Variants in RCSD1 observed in about 807,000 individuals in gnomAD.
The protein encoded by RCSD1 is capZ-interacting protein.
RCSD1 carries 26 observed loss-of-function variants against 42.5 expected under a neutral mutation model. The observed-to-expected ratio is 0.61, with a 90% confidence interval of 0.45 to 0.85. The LOEUF is 0.85. RCSD1 is among the 40% of genes least tolerant of loss of function. The pLI is 0.00. For synonymous variants in RCSD1, 220 were observed against 212.2 expected (o/e 1.04, Z -0.32); for missense variants, 571 against 528.3 (o/e 1.08, Z -0.79).
chr1:167,698,775 T>G (rs956021978), intron 6 of RCSD1, among the ~76,000 whole-genome samples: 20 of 152,076 alleles, frequency 1.3e-4, no homozygotes, highest in African/African-American at 4.8e-4. Flanking sequence ...CCTCTTTGTT[T>G]GTTTGTTTGT....
chr1:167,704,021 T>TGTTTCCATG (rs1217551514), intron 6 of RCSD1, among the ~76,000 whole-genome samples: 1 of 152,162 alleles, frequency 6.6e-6, no homozygotes, highest in Non-Finnish European at 1.5e-5. Flanking sequence ...TGTGGTTACA[T>TGTTTCCATG]TCCCAAATGT....
Position 167,652,123 on chromosome 1 carries a change from G to A in RCSD1, c.6+21694G>A, listed in dbSNP as rs189901413. Reference sequence around the variant, plus strand: ...TGCAATCTCTGCCACCCGGGTTCAAGCGATTCTCCTGCCTCAGCCTCCTGA... The same window carrying A: ...TGCAATCTCTGCCACCCGGGTTCAAACGATTCTCCTGCCTCAGCCTCCTGA... On this transcript the variant is annotated intron_variant, in intron 1 of 6. Transcript: ENST00000367854. 9.0e-3 allele frequency among the ~76,000 whole-genome samples: 1,359 copies of A among 150,242 alleles called. 12 individuals are homozygous for A. Among genetic ancestry groups the A allele is most frequent in the Admixed American group, 0.015 (229 of 14,942 alleles).
chr1:167,634,112 G>A (rs1358810953), intron 1 of RCSD1, among the ~76,000 whole-genome samples: 1 of 152,132 alleles, frequency 6.6e-6, no homozygotes, highest in African/African-American at 2.4e-5. Flanking sequence ...AGCATAAATA[G>A]GGAACTCCTT....
chr1:167,682,196 G>C (rs1287493042), intron 1 of RCSD1, among the ~76,000 whole-genome samples: 2 of 148,590 alleles, frequency 1.3e-5, no homozygotes, highest in Non-Finnish European at 3.0e-5. Context: ...TTGAGATGGA[G>C]TCTCATTCTG....
chr1:167,683,068 G>A (rs1318914591), intron 1 of RCSD1, among the ~76,000 whole-genome samples: 1 of 152,190 alleles, frequency 6.6e-6, no homozygotes, highest in Non-Finnish European at 1.5e-5. Flanking sequence ...AATAAATGGT[G>A]TCCTGGGGTG....
intron 1 of RCSD1, among the ~76,000 whole-genome samples, chr1:167,637,735 C>T (rs953595622): frequency 2.3e-5 from 3 of 128,688 alleles, no homozygotes; most frequent in Non-Finnish European, 5.4e-5. Flanking sequence ...ATAGACCACA[C>T]ACACACACAC....
intron 2 of RCSD1, 28 bp from the exon 3 acceptor site, chr1:167,685,393 G>C (rs747620419): frequency 6.3e-7 from 1 of 1,587,488 alleles, no homozygotes; most frequent in Admixed American, 1.7e-5. Flanking sequence ...CTTTTTCTCT[G>C]TGTGTCTGTC....
At chr1:167,691,967 C>T (rs945887446) in intron 4 of RCSD1, among the ~76,000 whole-genome samples, 9 of 152,198 alleles carry the variant, frequency 5.9e-5, no homozygotes, top group African/African-American at 2.2e-4. Context: ...CTACCTCTGC[C>T]TCCCTGTAGC....
At chr1:167,680,390 A>G (rs903375338) in intron 1 of RCSD1, among the ~76,000 whole-genome samples, 1 of 152,092 alleles carries the variant, frequency 6.6e-6, no homozygotes, top group Non-Finnish European at 1.5e-5. Context: ...TGACACCAGC[A>G]GACCAGGTCG....
intron 2 of RCSD1, among the ~76,000 whole-genome samples, chr1:167,684,488 C>G (rs1659172587): frequency 6.7e-6 from 1 of 149,828 alleles, no homozygotes. Context: ...GTCCGGTGAC[C>G]AGTAGAGGAA....
chr1:167,661,653 G>A (rs956504893), intron 1 of RCSD1, among the ~76,000 whole-genome samples: 3 of 152,254 alleles, frequency 2.0e-5, no homozygotes, highest in Non-Finnish European at 4.4e-5. Flanking sequence ...TGCTGAGGTG[G>A]TGGGATAAAG....
intron 1 of RCSD1, among the ~76,000 whole-genome samples, chr1:167,671,867 A>G (rs1658816811): frequency 6.6e-6 from 1 of 152,182 alleles, no homozygotes; most frequent in Non-Finnish European, 1.5e-5. Flanking sequence ...AGAACTTGTC[A>G]TTCCCTGAGG....
chr1:167,687,112 A>G (rs1013223956), intron 3 of RCSD1, among the ~76,000 whole-genome samples: 1 of 152,212 alleles, frequency 6.6e-6, no homozygotes, highest in African/African-American at 2.4e-5. Context: ...ATGGCTTATA[A>G]TGGCCAAGGG....
chr1:167,648,300 T>C (rs1658215112), intron 1 of RCSD1, among the ~76,000 whole-genome samples: 1 of 152,262 alleles, frequency 6.6e-6, no homozygotes, highest in African/African-American at 2.4e-5. Flanking sequence ...CATGTATCTT[T>C]TTCCTTCTTT....
chr1:167,673,447 T>C (rs1477161758), intron 1 of RCSD1, among the ~76,000 whole-genome samples: 1 of 152,222 alleles, frequency 6.6e-6, no homozygotes, highest in Non-Finnish European at 1.5e-5. Context: ...GCACTTCCCA[T>C]GTGCTCAGTG....
intron 1 of RCSD1, among the ~76,000 whole-genome samples, chr1:167,650,795 G>T (rs1425278687): frequency 6.6e-6 from 1 of 152,204 alleles, no homozygotes; most frequent in Non-Finnish European, 1.5e-5. Context: ...AGTGTGCGTG[G>T]TACGATGGGG....
At chr1:167,684,996 C>G (rs959260554) in intron 2 of RCSD1, among the ~76,000 whole-genome samples, 1 of 152,172 alleles carries the variant, frequency 6.6e-6, no homozygotes, top group African/African-American at 2.4e-5. Flanking sequence ...TGCACTATTT[C>G]GGGGTTTTGT....
chr1:167,665,598 C>G (rs968785945), intron 1 of RCSD1, among the ~76,000 whole-genome samples: 2 of 152,226 alleles, frequency 1.3e-5, no homozygotes, highest in East Asian at 1.9e-4. Flanking sequence ...AGGAGTGATC[C>G]AGTTGTTCTG....
intron 4 of RCSD1, among the ~76,000 whole-genome samples, chr1:167,691,804 C>T (rs1659383681): frequency 1.3e-5 from 2 of 152,174 alleles, no homozygotes; most frequent in African/African-American, 4.8e-5. Context: ...ACTGAGAAGC[C>T]CTGATTCCAC....
Sources: allele counts gnomAD v4.1 joint callset (sites outside exome capture counted in the v4.1 genomes callset), GRCh38; gene constraint gnomAD v4.1.1; transcripts MANE v1.5; gene names NCBI Gene and HGNC (gene_info 2026-07-23, HGNC 2026-07-21).